Variants in CNTN1 observed in about 807,000 individuals in gnomAD.
CNTN1 encodes the protein contactin-1.
Under a neutral mutation model 126.4 loss-of-function variants are expected in CNTN1, and 38 were observed. That is an observed-to-expected ratio of 0.30 (90% confidence interval 0.23 to 0.39). The LOEUF is 0.39. CNTN1 is among the 10% of genes least tolerant of loss of function. The probability of loss-of-function intolerance (pLI) is 1.00; values close to 1 mark genes in which losing one functional copy is unlikely to be tolerated. For missense variants in CNTN1, 1,009 were observed against 1,248.4 expected (o/e 0.81, Z 2.89); for synonymous variants, 413 against 422.6 (o/e 0.98, Z 0.28).
chr12:40,975,902 G>T (rs1947658010), intron 15 of CNTN1, among the ~76,000 whole-genome samples: 1 of 152,156 alleles, frequency 6.6e-6, no homozygotes, highest in African/African-American at 2.4e-5. Flanking sequence ...CATCCTGTGA[G>T]CATTTGAAAG....
intron 1 of CNTN1, among the ~76,000 whole-genome samples, chr12:40,760,734 T>G (rs2136415560): frequency 6.6e-6 from 1 of 152,286 alleles, no homozygotes; most frequent in African/African-American, 2.4e-5. Context: ...GTAAATCTAG[T>G]TGATAGCTCA....
chr12:40,828,686 G>A (rs754917929), intron 1 of CNTN1, among the ~76,000 whole-genome samples: 1 of 152,148 alleles, frequency 6.6e-6, no homozygotes, highest in African/African-American at 2.4e-5. Flanking sequence ...TCAAATTCTA[G>A]TAAAAGATGT....
chr12:41,042,591 C>T (rs952670001), intron 23 of CNTN1, among the ~76,000 whole-genome samples: 1 of 151,976 alleles, frequency 6.6e-6, no homozygotes, highest in African/African-American at 2.4e-5. Context: ...CTTTATGAAT[C>T]TGGGTGCCAT....
At chr12:41,044,246 T>C (rs964300312) in intron 23 of CNTN1, among the ~76,000 whole-genome samples, 1 of 152,016 alleles carries the variant, frequency 6.6e-6, no homozygotes, top group African/African-American at 2.4e-5. Flanking sequence ...AATGCAGGAT[T>C]GTTTTGGATT....
intron 23 of CNTN1, among the ~76,000 whole-genome samples, chr12:41,060,408 T>G (rs1040259569): frequency 3.9e-5 from 6 of 152,224 alleles, no homozygotes; most frequent in Non-Finnish European, 8.8e-5. Context: ...ACTTTCTCTC[T>G]GGTTCTACTT....
At chr12:40,810,567 A>G (rs1427064392) in intron 1 of CNTN1, among the ~76,000 whole-genome samples, 2 of 149,610 alleles carry the variant, frequency 1.3e-5, no homozygotes, top group Non-Finnish European at 3.0e-5. Context: ...CTAGTACCTA[A>G]CCTTCTATTC....
At chr12:40,748,666 A>G (rs927696630) in intron 1 of CNTN1, among the ~76,000 whole-genome samples, 6 of 152,130 alleles carry the variant, frequency 3.9e-5, no homozygotes, top group African/African-American at 1.4e-4. Flanking sequence ...TCCTCAGTGT[A>G]TTCATTTAAT....
In CNTN1 at chr12:41,013,059, G is replaced by A. The variant is rs567404438; in HGVS notation, c.2114-1169G>A. On this transcript the variant is annotated intron_variant, in intron 17 of 23. Coordinates refer to ENST00000551295, the MANE Select transcript of CNTN1 (RefSeq NM_001843.4). ...CCCCGAGCAGAAAAGACTGGCTGGC[G>A]TTGAATGCGCTGGATTTTATAGTCA... Among the ~76,000 whole-genome samples the A allele has an allele frequency of 1.6e-4, 25 of 152,234 alleles. 1 individual carries two copies. In the South Asian group the frequency reaches 1.9e-3, roughly 11 times the overall value.
chr12:40,899,041 CA>C (rs1168186123), intron 1 of CNTN1, among the ~76,000 whole-genome samples: 3 of 152,188 alleles, frequency 2.0e-5, no homozygotes, highest in African/African-American at 7.2e-5. Flanking sequence ...GGGATTATTA[CA>C]GCACAGGAAG....
intron 12 of CNTN1, among the ~76,000 whole-genome samples, chr12:40,940,223 C>T (rs1269662084): frequency 1.3e-5 from 2 of 151,448 alleles, no homozygotes; most frequent in African/African-American, 4.9e-5. Context: ...AATGTGAGGG[C>T]AGCATGTACA....
At chr12:40,854,184 T>C (rs904042421) in intron 1 of CNTN1, among the ~76,000 whole-genome samples, 10 of 151,852 alleles carry the variant, frequency 6.6e-5, no homozygotes, top group Non-Finnish European at 1.5e-4. Flanking sequence ...TAGTGGTAAA[T>C]ACACATATTA....
intron 15 of CNTN1, among the ~76,000 whole-genome samples, chr12:40,977,508 A>G (rs1947709139): frequency 6.6e-6 from 1 of 151,932 alleles, no homozygotes; most frequent in East Asian, 1.9e-4. Context: ...GGGGGCTTAG[A>G]ATTTTATTTT....
At chr12:40,908,301 T>C (rs71449787) in intron 1 of CNTN1, 56 bp from the exon 2 acceptor site, 4 of 647,366 alleles carry the variant, frequency 6.2e-6, no homozygotes, top group East Asian at 5.6e-5. Flanking sequence ...CTCCCCTTCC[T>C]TCCCCTCTCC....
chr12:40,725,671 CAGTT>C (rs1198523805), intron 1 of CNTN1, among the ~76,000 whole-genome samples: 1 of 152,094 alleles, frequency 6.6e-6, no homozygotes, highest in Non-Finnish European at 1.5e-5. Context: ...TTAGCAAACA[CAGTT>C]GACCTAATCA....
At position 40,715,100 on chromosome 12, in the gene CNTN1, C is replaced by A. The variant is rs143395895; in HGVS notation, c.-77+22508C>A. 7.5e-4 allele frequency among the ~76,000 whole-genome samples: 114 copies of A among 152,224 alleles called. 2 individuals are homozygous for A. The East Asian group carries it at 0.02, about 27-fold the overall frequency. On this transcript the variant is annotated intron_variant, in intron 1 of 23. Transcript: ENST00000551295. ...TCGTTTGTTTTAGATTTCCTCTAAG[C>A]CCATGATTGTTAAGCATAAATGTAC...
chr12:40,764,757 T>C (rs1237513943), intron 1 of CNTN1, among the ~76,000 whole-genome samples: 1 of 152,226 alleles, frequency 6.6e-6, no homozygotes, highest in Non-Finnish European at 1.5e-5. Flanking sequence ...AACAACCATA[T>C]GCTTAGAAGC....
rs1947805108 is a variant in CNTN1 at position 40,980,987 on chromosome 12, C to T, written c.1883C>T (p.Ser628Leu). Residue 628 changes from serine to leucine, a missense_variant, in exon 16 of 24, where the codon TCA (serine) becomes TTA (leucine). Transcript: ENST00000551295. ...GTGGCACTTACTTGGAGCCGTGGTT[C>T]AGACAATCATAGTCCTATTTCTAAA... The part of the protein sequence containing the change: ...TSVALTWSRG[S>L]DNHSPISKYT... The T allele has an allele frequency of 1.2e-6, 2 of 1,613,682 alleles. No homozygotes were observed. The highest frequency in any genetic ancestry group is 1.7e-5 in the Admixed American group (1 of 59,984).
intron 20 of CNTN1, 73 bp from the exon 21 acceptor site, chr12:41,025,077 C>A: frequency 1.4e-6 from 2 of 1,408,306 alleles, no homozygotes; most frequent in Non-Finnish European, 2.0e-6. Context: ...GTAATAGAAC[C>A]AGTTGAAGAG....
chr12:40,735,103 A>T (rs1159871575), intron 1 of CNTN1, among the ~76,000 whole-genome samples: 1 of 152,106 alleles, frequency 6.6e-6, no homozygotes, highest in Non-Finnish European at 1.5e-5. Flanking sequence ...GTTTCAAAGG[A>T]TATTTTGTTC....
Sources: allele counts gnomAD v4.1 joint callset (sites outside exome capture counted in the v4.1 genomes callset), GRCh38; gene constraint gnomAD v4.1.1; transcripts MANE v1.5; gene names NCBI Gene and HGNC (gene_info 2026-07-23, HGNC 2026-07-21).